The following TMX4 variants were observed in gnomAD, a reference collection of about 807,000 sequenced individuals.
The protein encoded by TMX4 is thioredoxin related transmembrane protein 4, also known as thioredoxin-related transmembrane protein 4.
TMX4 carries 23 observed loss-of-function variants against 33.3 expected under a neutral mutation model. The ratio of observed to expected loss-of-function variants is 0.69; its 90% confidence interval spans 0.50 to 0.98. TMX4 has a LOEUF of 0.98. Ranked by LOEUF, TMX4 falls within the 50% of genes least tolerant of loss-of-function variation. The probability of loss-of-function intolerance (pLI) is 0.00; values close to 1 mark genes in which losing one functional copy is unlikely to be tolerated. For missense variants in TMX4, 399 were observed against 448.9 expected (o/e 0.89, Z 1.01); for synonymous variants, 164 against 161.5 (o/e 1.02, Z -0.12).
rs375734887 is a variant in TMX4, at chr20:8,006,564, C to T, written c.292+3636G>A. ...ATGAGTTTTTACTATTCATTCAAGA[C>T]GTTAGTGTTTGTAAAAAGTAAATAA... On this transcript the variant is annotated intron_variant, in intron 2 of 7. Coordinates refer to ENST00000246024, the MANE Select transcript of TMX4 (RefSeq NM_021156.4). Among the ~76,000 whole-genome samples the T allele has an allele frequency of 5.2e-4, 79 of 152,176 alleles. 2 individuals carry two copies. The South Asian group carries it at 0.016, about 30-fold the overall frequency.
chr20:7,982,279 T>TTA lies in TMX4; in HGVS notation c.1020_1021dup (p.Lys341IlefsTer38). 6.2e-7 allele frequency: 1 copy of TTA among 1,614,048 alleles called. No individual in the cohort carries two copies. The highest frequency in any genetic ancestry group is 8.5e-7 in the Non-Finnish European group (1 of 1,179,982). On this transcript the variant is annotated frameshift_variant, in exon 8 of 8. Transcript: ENST00000246024. LOFTEE classifies it high-confidence loss of function. ...CAGTCCCTTGTCAGCATGCTGACTT[T>TTA]TACGCTGCCTCAAGGAGTCTTCCAC...
rs938991570 is a variant in TMX4 at position 8,019,719 on chromosome 20, G to C, written c.-106C>G. The C allele has an allele frequency of 1.1e-5, 11 of 1,003,576 alleles. No homozygotes were observed. The highest frequency in any genetic ancestry group is 1.4e-5 in the Non-Finnish European group (11 of 768,790). 62.2% of individuals were successfully genotyped at this position (1,003,576 alleles called of 1,614,324 possible). On this transcript the variant is annotated 5_prime_UTR_variant, in exon 1 of 8. Transcript: ENST00000246024. ...TTTTTCAAGGAAGCGGGAGACGCAA[G>C]GGCCACCCCGCCTACGCCTAGCGGC...
In TMX4 at chr20:7,979,585, CA is replaced by C. The variant is rs1441045585; in HGVS notation, c.*2665del. 6.6e-6 allele frequency: 1 copy of C among 151,716 alleles called. No individual in the cohort carries two copies. Among genetic ancestry groups the C allele is most frequent in the African/African-American group, 2.4e-5 (1 of 41,290 alleles). The allele number at this position is 151,716 out of a possible 1,614,324, so 9.4% of individuals were successfully genotyped here. A position where few individuals can be genotyped will look rare whatever the true frequency, so the allele number is the denominator to read the frequency against. ...CGAAACCCCGTCTCTACTAAAAATA[CA>C]AAATTAGCCAGGCATGGTGGCACAT... On this transcript the variant is annotated 3_prime_UTR_variant, in exon 8 of 8. Transcript: ENST00000246024.
At chr20:7,994,107 T>G (rs1359909345) in intron 5 of TMX4, among the ~76,000 whole-genome samples, 3 of 152,136 alleles carry the variant, frequency 2.0e-5, no homozygotes, top group Non-Finnish European at 4.4e-5. Flanking sequence ...TTGTACATTT[T>G]GCATTCTACA....
intron 4 of TMX4, 44 bp from the exon 5 acceptor site, chr20:7,996,115 T>C (rs1348929049): frequency 5.9e-6 from 8 of 1,362,836 alleles, no homozygotes; most frequent in South Asian, 2.8e-5. Context: ...ATATATACTA[T>C]AAAAAAAAAA....
rs376628634 is a variant in TMX4, at chr20:7,991,067, T to G, written c.514-3678A>C. On this transcript the variant is annotated intron_variant, in intron 5 of 7. Coordinates refer to ENST00000246024, the MANE Select transcript of TMX4 (RefSeq NM_021156.4). ...TAAAATACACTTTGTTCTTCTCTAG[T>G]CTAAATGTTCATGGCTTTTAATTCT... Among the ~76,000 whole-genome samples, 26 of 152,366 alleles carry G rather than the reference T, an allele frequency of 1.7e-4. No homozygotes were observed. The East Asian group carries it at 2.7e-3, about 16-fold the overall frequency.
chr20:8,018,323 C>CAGAGAGAG (rs72313818), intron 1 of TMX4, among the ~76,000 whole-genome samples: 2 of 54,740 alleles, frequency 3.7e-5, no homozygotes, highest in African/African-American at 2.2e-4. Context: ...GAGAGAGAGA[C>CAGAGAGAG]AGAGAGAGAG....
intron 5 of TMX4, among the ~76,000 whole-genome samples, chr20:7,995,108 A>G (rs1396378927): frequency 6.6e-6 from 1 of 152,206 alleles, no homozygotes; most frequent in Non-Finnish European, 1.5e-5. Flanking sequence ...AGTGGAATAC[A>G]AAAGGTTTTT....
rs373000248 is a variant in TMX4, at chr20:8,014,112, C to A, written c.177-3797G>T. ...TTATGCTCAAATTTATTTCTTTGGA[C>A]AATAATTTCTAGAACGTGTTATCAC... is the stretch of plus-strand genomic sequence containing the variant. On this transcript the variant is annotated intron_variant, in intron 1 of 7. Coordinates refer to ENST00000246024, the MANE Select transcript of TMX4 (RefSeq NM_021156.4). 2.0e-5 allele frequency among the ~76,000 whole-genome samples: 3 copies of A among 152,272 alleles called. No homozygotes were observed. In the South Asian group the frequency reaches 6.2e-4, roughly 32 times the overall value.
chr20:8,019,347 G>A lies in TMX4; in HGVS notation c.176+91C>T, dbSNP rs1310589289. ...CCGGGGTTTTAGGTTGAGCCCAAGC[G>A]GCAATGCGGGATCGCCACCGGGCCG... On this transcript the variant is annotated intron_variant, in intron 1 of 7. Coordinates refer to ENST00000246024, the MANE Select transcript of TMX4 (RefSeq NM_021156.4). The A allele has an allele frequency of 7.9e-6, 11 of 1,386,708 alleles. No individual in the cohort carries two copies. In the South Asian group the frequency reaches 1.5e-4, roughly 19 times the overall value. The allele number at this position is 1,386,708 out of a possible 1,614,324, so 85.9% of individuals were successfully genotyped here.
intron 2 of TMX4, among the ~76,000 whole-genome samples, chr20:8,006,179 G>C (rs2050729527): frequency 6.6e-6 from 1 of 152,130 alleles, no homozygotes; most frequent in South Asian, 2.1e-4. Context: ...AGAGGTTTGA[G>C]CAGCGGGCAC....
chr20:7,986,257 C>A (rs1440389728), intron 6 of TMX4, among the ~76,000 whole-genome samples: 1 of 152,178 alleles, frequency 6.6e-6, no homozygotes, highest in Non-Finnish European at 1.5e-5. Context: ...AAGTCCCATT[C>A]TTATCCCTGA....
At position 7,977,710 on chromosome 20, in the gene TMX4, T is replaced by C. The variant is rs1213431770; in HGVS notation, c.*4541A>G. 1 of 152,214 alleles carries C rather than the reference T, an allele frequency of 6.6e-6. No homozygotes were observed. Among genetic ancestry groups the C allele is most frequent in the East Asian group, 1.9e-4 (1 of 5,198 alleles). The allele number at this position is 152,214 out of a possible 1,614,324, so 9.4% of individuals were successfully genotyped here. ...ATACCAGTAATATAAACAACAAATT[T>C]ATAACATATTGCATTGCAAATAAGC... On this transcript the variant is annotated 3_prime_UTR_variant, in exon 8 of 8. Coordinates refer to ENST00000246024, the MANE Select transcript of TMX4 (RefSeq NM_021156.4).
chr20:7,984,573 G>A (rs2050622478), intron 6 of TMX4, among the ~76,000 whole-genome samples: 1 of 152,118 alleles, frequency 6.6e-6, no homozygotes, highest in Non-Finnish European at 1.5e-5. Context: ...CTTTTAATGT[G>A]ATAGTTATAT....
chr20:8,008,612 G>A (rs756904954), intron 2 of TMX4, among the ~76,000 whole-genome samples: 1 of 152,100 alleles, frequency 6.6e-6, no homozygotes, highest in Non-Finnish European at 1.5e-5. Flanking sequence ...TATAAATTCT[G>A]AGCAGGTGTG....
chr20:8,018,481 G>GGAGAGAGAGAGAGA (rs1156723197), intron 1 of TMX4, among the ~76,000 whole-genome samples: 2 of 13,710 alleles, frequency 1.5e-4, no homozygotes, highest in Non-Finnish European at 2.3e-4. Flanking sequence ...GGAGGGAGGG[G>GGAGAGAGAGAGAGA]GAGAGAGAGA....
At position 7,981,149 on chromosome 20, in the gene TMX4, A is replaced by C. The variant is rs2050603917; in HGVS notation, c.*1102T>G. 6.6e-6 allele frequency: 1 copy of C among 152,188 alleles called. No homozygotes were observed. Among genetic ancestry groups the C allele is most frequent in the Non-Finnish European group, 1.5e-5 (1 of 68,026 alleles). The allele number at this position is 152,188 out of a possible 1,614,324, so 9.4% of individuals were successfully genotyped here. On this transcript the variant is annotated 3_prime_UTR_variant, in exon 8 of 8. Transcript: ENST00000246024. The stretch of plus-strand genomic sequence containing the variant: ...ATATAATTCTTTGGAAGATTACAGA[A>C]GATGGAAACAAAATCAAATCTTTCA...
At chr20:8,004,232 C>T (rs1337376147) in intron 2 of TMX4, among the ~76,000 whole-genome samples, 6 of 151,974 alleles carry the variant, frequency 3.9e-5, no homozygotes, top group African/African-American at 7.2e-5. Flanking sequence ...GATTCTATGA[C>T]GTGTCCAGGA....
At chr20:8,003,570 A>T (rs1436550462) in intron 2 of TMX4, among the ~76,000 whole-genome samples, 1 of 152,156 alleles carries the variant, frequency 6.6e-6, no homozygotes, top group Non-Finnish European at 1.5e-5. Flanking sequence ...TTTAGTCTTA[A>T]GTCTTTTAGA....
Sources: allele counts gnomAD v4.1 joint callset (sites outside exome capture counted in the v4.1 genomes callset), GRCh38; gene constraint gnomAD v4.1.1; transcripts MANE v1.5; gene names NCBI Gene and HGNC (gene_info 2026-07-23, HGNC 2026-07-21).